Variants in CDH26 observed in about 807,000 individuals in gnomAD.
The protein encoded by CDH26 is cadherin 26.
Under a neutral mutation model 90.3 loss-of-function variants are expected in CDH26, and 83 were observed. That is an observed-to-expected ratio of 0.92 (90% CI 0.77 to 1.10). CDH26 has a LOEUF of 1.10. Ranked by LOEUF, CDH26 falls within the 50% of genes least tolerant of loss-of-function variation. The pLI is 0.00. For missense variants in CDH26, 1,013 were observed against 1,037.6 expected (o/e 0.98, Z 0.33); for synonymous variants, 397 against 396.3 (o/e 1.00, Z -0.02).
intron 7 of CDH26, among the ~76,000 whole-genome samples, chr20:59,986,793 A>T (rs2061464452): frequency 6.6e-6 from 1 of 152,174 alleles, no homozygotes; most frequent in Admixed American, 6.5e-5. Flanking sequence ...TCGTTTAATT[A>T]GAAAAAAAAC....
intron 9 of CDH26, among the ~76,000 whole-genome samples, chr20:59,991,844 G>C (rs1338329792): frequency 6.6e-6 from 1 of 152,178 alleles, no homozygotes; most frequent in Non-Finnish European, 1.5e-5. Context: ...CAGCTCTCAG[G>C]AATGCTGGAG....
At chr20:59,967,575 C>T (rs143511114) in intron 1 of CDH26, among the ~76,000 whole-genome samples, 5 of 152,176 alleles carry the variant, frequency 3.3e-5, no homozygotes, top group African/African-American at 1.2e-4. Context: ...CAAAATACCC[C>T]GTGTGAAAAT....
chr20:59,997,797 A>T (rs1323560285), intron 13 of CDH26, among the ~76,000 whole-genome samples: 1 of 152,270 alleles, frequency 6.6e-6, no homozygotes, highest in Non-Finnish European at 1.5e-5. Context: ...TTTAGGGAAA[A>T]GATATTCCAA....
downstream of CDH26, among the ~76,000 whole-genome samples, chr20:60,035,338 C>T (rs991658212): frequency 1.8e-4 from 28 of 152,160 alleles, no homozygotes; most frequent in African/African-American, 4.6e-4. Context: ...TGGGAACATA[C>T]GTTTACAATG....
At chr20:60,009,202 C>A (rs936549192) in intron 17 of CDH26, among the ~76,000 whole-genome samples, 1 of 152,166 alleles carries the variant, frequency 6.6e-6, no homozygotes, top group African/African-American at 2.4e-5. Flanking sequence ...AGGGACAGAG[C>A]CAGAAATGGG....
intron 7 of CDH26, among the ~76,000 whole-genome samples, chr20:60,025,898 C>G (rs1181254275): frequency 1.3e-5 from 2 of 152,178 alleles, no homozygotes; most frequent in Non-Finnish European, 2.9e-5. Flanking sequence ...TGATTAGGAG[C>G]TGCTTGCCCC....
At chr20:60,012,224 C>T (rs977301915) in intron 17 of CDH26, among the ~76,000 whole-genome samples, 2 of 151,852 alleles carry the variant, frequency 1.3e-5, no homozygotes, top group Non-Finnish European at 2.9e-5. Flanking sequence ...CAGGGAAGGG[C>T]GAGCCTCAAG....
intron 7 of CDH26, among the ~76,000 whole-genome samples, chr20:60,029,042 G>A (rs140483638): frequency 3.3e-5 from 5 of 152,302 alleles, no homozygotes; most frequent in South Asian, 2.1e-4. Context: ...ACATGGATAG[G>A]TCTGGAAGAC....
intron 15 of CDH26, 47 bp from the exon 16 acceptor site, chr20:60,002,766 C>A: frequency 6.8e-7 from 1 of 1,470,244 alleles, no homozygotes; most frequent in Non-Finnish European, 9.3e-7. Flanking sequence ...TATTTGCATC[C>A]TTTGGTAATT....
In CDH26 at chr20:59,990,873, T is replaced by C. The variant is rs538151448; in HGVS notation, c.1284-1505T>C. Among the ~76,000 whole-genome samples, 449 of 151,782 alleles carry C rather than the reference T, an allele frequency of 3.0e-3. 5 individuals are homozygous for C. Among genetic ancestry groups the C allele is most frequent in the African/African-American group, 9.9e-3 (409 of 41,422 alleles). On this transcript the variant is annotated intron_variant, in intron 9 of 17. Coordinates refer to ENST00000348616, the MANE Select transcript of CDH26 (RefSeq NM_177980.4). ...ACCCCTACAATTTCTTTTCTTTTTTTTTTTTCTTTTTTTTGAGATGGAGTC... is the reference window on the plus strand; with the variant it reads ...ACCCCTACAATTTCTTTTCTTTTTTCTTTTTCTTTTTTTTGAGATGGAGTC...
chr20:59,963,281 C>T (rs1237333335), intron 1 of CDH26, among the ~76,000 whole-genome samples: 3 of 133,478 alleles, frequency 2.2e-5, no homozygotes, highest in African/African-American at 8.7e-5. Flanking sequence ...GGCAGGGTCT[C>T]ACTCTGCTGC....
At chr20:60,022,276 C>G (rs1190011018) in intron 7 of CDH26, among the ~76,000 whole-genome samples, 3 of 152,144 alleles carry the variant, frequency 2.0e-5, no homozygotes, top group Non-Finnish European at 4.4e-5. Flanking sequence ...AGGCAATAAA[C>G]AGAAATAGTA....
intron 17 of CDH26, among the ~76,000 whole-genome samples, chr20:60,011,417 C>T (rs760265176): frequency 4.6e-5 from 7 of 152,148 alleles, no homozygotes; most frequent in African/African-American, 1.4e-4. Context: ...ATGGATTTGG[C>T]GTGCTTGTTA....
chr20:60,000,610 T>C (rs1453806353), intron 14 of CDH26, among the ~76,000 whole-genome samples: 1 of 152,338 alleles, frequency 6.6e-6, no homozygotes, highest in Non-Finnish European at 1.5e-5. Context: ...CCTCATCTTA[T>C]TGAATTTTCA....
chr20:60,021,873 C>T (rs1442006543), intron 7 of CDH26, among the ~76,000 whole-genome samples: 1 of 105,208 alleles, frequency 9.5e-6, no homozygotes, highest in Non-Finnish European at 2.2e-5. Flanking sequence ...CACACACACA[C>T]ACACACACAC....
chr20:59,966,986 T>C (rs2061157020), intron 1 of CDH26, among the ~76,000 whole-genome samples: 1 of 140,820 alleles, frequency 7.1e-6, no homozygotes, highest in African/African-American at 2.8e-5. Flanking sequence ...CAATGATAAG[T>C]AAAAAAAAAA....
At chr20:59,993,032 C>T (rs565093337) in intron 10 of CDH26, among the ~76,000 whole-genome samples, 1 of 152,284 alleles carries the variant, frequency 6.6e-6, no homozygotes, top group East Asian at 1.9e-4. Context: ...GTTCAAATAA[C>T]TTTAAAATTG....
chr20:59,967,949 TTCTTTCTA>T (rs60521074), intron 1 of CDH26, among the ~76,000 whole-genome samples: 1,719 of 101,470 alleles, frequency 0.017, 52 homozygotes, highest in African/African-American at 0.033. Flanking sequence ...CTTTCTTTCT[TTCTTTCTA>T]TCTTTCTTTC....
chr20:59,982,237 G>T (rs146937440), intron 4 of CDH26, among the ~76,000 whole-genome samples: 1 of 152,138 alleles, frequency 6.6e-6, no homozygotes, highest in East Asian at 1.9e-4. Context: ...CGATTACGTT[G>T]GTTACTTTCT....
Sources: gnomAD v4.1 joint callset for allele counts (sites outside exome capture counted in the v4.1 genomes callset) on GRCh38, gnomAD v4.1.1 for gene constraint, MANE v1.5 for transcripts, NCBI Gene and HGNC (gene_info 2026-07-23, HGNC 2026-07-21) for gene names.